The following SHB variants were observed in gnomAD, a reference collection of about 807,000 sequenced individuals.
SHB encodes SH2 domain-containing adapter protein B.
Under a neutral mutation model 52.3 loss-of-function variants are expected in SHB, and 20 were observed. That is an observed-to-expected ratio of 0.38 (90% confidence interval 0.27 to 0.56). SHB has a LOEUF of 0.56. SHB is among the 20% of genes least tolerant of loss of function. The pLI is 0.71. For missense variants in SHB, 825 were observed against 723.3 expected, an observed-to-expected ratio of 1.14 and a Z score of -1.61; for synonymous variants, 397 against 316.5, an observed-to-expected ratio of 1.25 and a Z score of -2.70.
intron 3 of SHB, among the ~76,000 whole-genome samples, chr9:37,971,296 C>T: frequency 6.6e-6 from 1 of 152,184 alleles, no homozygotes; most frequent in East Asian, 1.9e-4. Context: ...TCCCGGGAAG[C>T]TGCACTTCTG....
In SHB at chr9:38,022,765, G is replaced by A. The variant is rs1023784133; in HGVS notation, c.718-6634C>T. ...TAATGATGAGGCCGCTCAGAGAAGC[G>A]GTAGTGGACAGATGTTCTGTGCAGA... On this transcript the variant is annotated intron_variant, in intron 1 of 5. Transcript: ENST00000377707. Among the ~76,000 whole-genome samples, 11 of 152,306 alleles carry A rather than the reference G, an allele frequency of 7.2e-5. No individual in the cohort carries two copies. The East Asian group carries it at 9.6e-4, about 13-fold the overall frequency.
intron 1 of SHB, among the ~76,000 whole-genome samples, chr9:38,024,461 G>A (rs2890783): frequency 0.74 from 112,073 of 152,112 alleles, 41,359 homozygotes; most frequent in South Asian, 0.85. Flanking sequence ...TGCAGGCTCC[G>A]ACTTGTTAGG....
chr9:37,921,462 A>G (rs1201315099), intron 5 of SHB, among the ~76,000 whole-genome samples: 2 of 152,246 alleles, frequency 1.3e-5, no homozygotes, highest in Non-Finnish European at 1.5e-5. Context: ...ACAAATGCTT[A>G]ATGAAGTGCG....
intron 5 of SHB, among the ~76,000 whole-genome samples, chr9:37,938,664 T>G (rs7028429): frequency 6.6e-6 from 1 of 151,924 alleles, no homozygotes; most frequent in African/African-American, 2.4e-5. Flanking sequence ...CGGCTGGAAA[T>G]GTAATCGCGG....
intron 5 of SHB, among the ~76,000 whole-genome samples, chr9:37,939,245 G>A (rs1347366955): frequency 6.6e-6 from 1 of 152,218 alleles, no homozygotes. Flanking sequence ...TAGCACCTGA[G>A]TGCAAATGGA....
intron 1 of SHB, among the ~76,000 whole-genome samples, chr9:38,066,158 T>C (rs1025483152): frequency 1.3e-5 from 2 of 152,184 alleles, no homozygotes; most frequent in Non-Finnish European, 2.9e-5. Flanking sequence ...GTCTTAAATA[T>C]CTTGACATCC....
intron 2 of SHB, among the ~76,000 whole-genome samples, chr9:38,005,994 T>TGGC (rs1191835388): frequency 6.6e-6 from 1 of 152,158 alleles, no homozygotes; most frequent in Non-Finnish European, 1.5e-5. Flanking sequence ...AGCACCTAGC[T>TGGC]GGCTGCTCCC....
At position 37,918,782 on chromosome 9, in the gene SHB, G is replaced by T. The variant is rs1326667716; in HGVS notation, c.*1039C>A. Among the ~76,000 whole-genome samples, 2 of 152,236 alleles carry T rather than the reference G, an allele frequency of 1.3e-5. No homozygotes were observed. The highest frequency in any genetic ancestry group is 2.9e-5 in the Non-Finnish European group (2 of 68,046). On this transcript the variant is annotated 3_prime_UTR_variant, in exon 6 of 6. Coordinates refer to ENST00000377707, the MANE Select transcript of SHB (RefSeq NM_003028.3). ...GAGAGAGCCCTTTGTAGCCAGCTGG[G>T]TGCTGTGTCCAGGGGTTGGGGGGGT...
chr9:37,934,178 T>TC lies in SHB; in HGVS notation c.1347-14175dup, dbSNP rs573881638. Among the ~76,000 whole-genome samples the TC allele has an allele frequency of 2.6e-5, 4 of 151,722 alleles. No individual in the cohort carries two copies. In the South Asian group the frequency reaches 6.3e-4, roughly 24 times the overall value. ...TTTTGGGGTCTGCGGACCTCCTGAG[T>TC]CCCCCCCTCTCCCAGCCCCTCCCAA... On this transcript the variant is annotated intron_variant, in intron 5 of 5. Transcript: ENST00000377707.
intron 3 of SHB, among the ~76,000 whole-genome samples, chr9:37,969,580 C>A (rs1278635812): frequency 6.6e-6 from 1 of 152,234 alleles, no homozygotes; most frequent in Non-Finnish European, 1.5e-5. Context: ...AGTCCTCACA[C>A]TGGTCCTTCA....
At chr9:37,999,207 TG>T (rs528262278) in intron 2 of SHB, among the ~76,000 whole-genome samples, 137 of 152,016 alleles carry the variant, frequency 9.0e-4, no homozygotes, top group African/African-American at 3.1e-3. Context: ...GAAAGTAACA[TG>T]ATCTAGCCAG....
At chr9:37,936,482 T>C (rs1438663420) in intron 5 of SHB, among the ~76,000 whole-genome samples, 1 of 152,186 alleles carries the variant, frequency 6.6e-6, no homozygotes, top group African/African-American at 2.4e-5. Context: ...TGTGATTACT[T>C]TTCTCCCAAA....
intron 5 of SHB, among the ~76,000 whole-genome samples, chr9:37,938,417 A>G (rs765535728): frequency 6.6e-6 from 1 of 152,172 alleles, no homozygotes; most frequent in African/African-American, 2.4e-5. Context: ...TCGCCAACCA[A>G]CTCATTCCCA....
intron 1 of SHB, among the ~76,000 whole-genome samples, chr9:38,045,332 G>T (rs1270908940): frequency 6.6e-6 from 1 of 152,196 alleles, no homozygotes; most frequent in East Asian, 1.9e-4. Flanking sequence ...CAGGTGCGGT[G>T]GCTCACGCCT....
chr9:37,949,449 A>G (rs1272377023), intron 4 of SHB, among the ~76,000 whole-genome samples: 1 of 151,978 alleles, frequency 6.6e-6, no homozygotes, highest in East Asian at 1.9e-4. Context: ...AGAAGAAAGA[A>G]AAAAAAAGTG....
At chr9:38,004,883 C>T (rs189120473) in intron 2 of SHB, among the ~76,000 whole-genome samples, 102 of 152,346 alleles carry the variant, frequency 6.7e-4, no homozygotes, top group African/African-American at 2.4e-3. Context: ...AGAGGTGAGC[C>T]GGCCCAGCAG....
chr9:37,931,209 T>A (rs1832307616), intron 5 of SHB, among the ~76,000 whole-genome samples: 1 of 152,150 alleles, frequency 6.6e-6, no homozygotes. Context: ...TGGCAATGAT[T>A]TTTTTGGATA....
intron 5 of SHB, among the ~76,000 whole-genome samples, chr9:37,940,845 G>T (rs1386255248): frequency 1.3e-5 from 2 of 152,132 alleles, no homozygotes; most frequent in Non-Finnish European, 2.9e-5. Flanking sequence ...AGATGAGGAG[G>T]CCAGACCACA....
chr9:37,944,431 G>A (rs952358831), intron 5 of SHB, among the ~76,000 whole-genome samples: 1 of 152,166 alleles, frequency 6.6e-6, no homozygotes, highest in Admixed American at 6.5e-5. Context: ...CCCCCATGAG[G>A]CAAAGGGACT....
Sources: gnomAD v4.1 joint callset for allele counts (sites outside exome capture counted in the v4.1 genomes callset) on GRCh38, gnomAD v4.1.1 for gene constraint, MANE v1.5 for transcripts, NCBI Gene and HGNC (gene_info 2026-07-23, HGNC 2026-07-21) for gene names.